The following DRC1 variants were observed in gnomAD, a reference collection of about 807,000 sequenced individuals.
DRC1 encodes dynein regulatory complex subunit 1, also known as dynein regulatory complex protein 1.
DRC1 carries 74 observed loss-of-function variants against 98.7 expected under a neutral mutation model. The observed-to-expected ratio is 0.75, with a 90% CI of 0.62 to 0.91. DRC1 has a LOEUF of 0.91. Ranked by LOEUF, DRC1 falls within the 40% of genes least tolerant of loss-of-function variation. The pLI, the probability that DRC1 is intolerant of heterozygous loss-of-function variation, is 0.00. For missense variants in DRC1, 875 were observed against 886.0 expected, an observed-to-expected ratio of 0.99 and a Z score of 0.16; for synonymous variants, 336 against 334.1, an observed-to-expected ratio of 1.01 and a Z score of -0.06.
chr2:26,435,255 A>G (rs1663540524), intron 7 of DRC1, among the ~76,000 whole-genome samples: 1 of 152,230 alleles, frequency 6.6e-6, no homozygotes, highest in African/African-American at 2.4e-5. Flanking sequence ...CCTTTACCGT[A>G]GAAGGACTTT....
At chr2:26,424,989 A>G (rs2147987818) in intron 4 of DRC1, among the ~76,000 whole-genome samples, 1 of 152,326 alleles carries the variant, frequency 6.6e-6, no homozygotes, top group East Asian at 1.9e-4. Flanking sequence ...TAGTTCAGTC[A>G]TGTTAAGTAT....
chr2:26,446,913 G>A (rs1404479713), intron 10 of DRC1, among the ~76,000 whole-genome samples: 2 of 151,862 alleles, frequency 1.3e-5, no homozygotes, highest in Admixed American at 6.6e-5. Context: ...CCAACATGGC[G>A]AAAACCTGTC....
intron 8 of DRC1, among the ~76,000 whole-genome samples, chr2:26,441,878 C>T (rs1663728320): frequency 6.6e-6 from 1 of 152,326 alleles, no homozygotes; most frequent in Middle Eastern, 3.4e-3. Flanking sequence ...ACCATCTTTT[C>T]GTCTCTTGCT....
At chr2:26,447,269 C>T (rs560339913) in intron 10 of DRC1, among the ~76,000 whole-genome samples, 14 of 149,950 alleles carry the variant, frequency 9.3e-5, no homozygotes, top group African/African-American at 2.7e-4. Context: ...AAAAATTAGC[C>T]GGGCATGGTG....
At chr2:26,416,025 G>C (rs1678791296) in intron 2 of DRC1, among the ~76,000 whole-genome samples, 1 of 151,514 alleles carries the variant, frequency 6.6e-6, no homozygotes, top group Non-Finnish European at 1.5e-5. Context: ...CTGATATACA[G>C]TTCACCCCGA....
chr2:26,455,054 AACCACCAAG>A, intron 15 of DRC1, 68 bp from the exon 16 acceptor site: 1 of 1,539,186 alleles, frequency 6.5e-7, no homozygotes, highest in South Asian at 1.1e-5. Context: ...GCCAAAGTAC[AACCACCAAG>A]ACCCTGGCCC....
intron 3 of DRC1, among the ~76,000 whole-genome samples, chr2:26,423,924 C>T (rs1026094670): frequency 2.6e-4 from 40 of 152,200 alleles, no homozygotes; most frequent in African/African-American, 9.4e-4. Context: ...CTCTGTGACT[C>T]CAGAGACCCA....
At chr2:26,418,829 A>G (rs1365522868) in intron 2 of DRC1, among the ~76,000 whole-genome samples, 1 of 136,462 alleles carries the variant, frequency 7.3e-6, no homozygotes, top group Non-Finnish European at 1.5e-5. Context: ...TATATATAAT[A>G]TATAGTATAT....
intron 1 of DRC1, among the ~76,000 whole-genome samples, chr2:26,406,311 C>T (rs961520281): frequency 7.2e-5 from 11 of 152,198 alleles, no homozygotes; most frequent in African/African-American, 2.7e-4. Flanking sequence ...ATAGGCAGTG[C>T]ACCCACCCCT....
intron 1 of DRC1, among the ~76,000 whole-genome samples, chr2:26,405,515 A>C (rs1287370220): frequency 6.6e-6 from 1 of 152,108 alleles, no homozygotes; most frequent in Non-Finnish European, 1.5e-5. Context: ...TAGATGTGGC[A>C]CCTGAAGGTA....
At chr2:26,428,971 C>T (rs571685056) in intron 4 of DRC1, among the ~76,000 whole-genome samples, 2 of 152,172 alleles carry the variant, frequency 1.3e-5, no homozygotes, top group Non-Finnish European at 2.9e-5. Flanking sequence ...GATATGTTCT[C>T]GTGTTGGAAC....
chr2:26,418,599 TATAATATATAAATTATATATA>T, intron 2 of DRC1, among the ~76,000 whole-genome samples: 1 of 97,276 alleles, frequency 1.0e-5, no homozygotes, highest in African/African-American at 5.3e-5. Context: ...ATATAATTTA[TATAATATATAAATTATATATA>T]ATATAAATTA....
At chr2:26,405,029 A>G (rs10170985) in intron 1 of DRC1, among the ~76,000 whole-genome samples, 144,904 of 152,290 alleles carry the variant, frequency 0.95, 69,000 homozygotes, top group South Asian at 0.98. Flanking sequence ...AATCATTACA[A>G]TATATATTTG....
intron 10 of DRC1, among the ~76,000 whole-genome samples, chr2:26,448,061 C>T (rs1004538011): frequency 2.7e-5 from 4 of 150,926 alleles, no homozygotes; most frequent in East Asian, 2.0e-4. Context: ...CCCATCTCTA[C>T]GAAAAACACA....
intron 10 of DRC1, among the ~76,000 whole-genome samples, chr2:26,448,013 T>G (rs1202675784): frequency 6.6e-6 from 1 of 150,872 alleles, no homozygotes; most frequent in Non-Finnish European, 1.5e-5. Flanking sequence ...TCACTTGAGT[T>G]CAGGAGTTCG....
chr2:26,439,922 A>AATATATATATATAT lies in DRC1; in HGVS notation c.889-454_889-441dup, dbSNP rs60317791. Among the ~76,000 whole-genome samples, 153 of 43,444 alleles carry AATATATATATATAT rather than the reference A, an allele frequency of 3.5e-3. 15 individuals carry two copies. The highest frequency in any genetic ancestry group is 5.4e-3 in the African/African-American group (71 of 13,112). 28.5% of individuals were successfully genotyped at this position (43,444 alleles called of 152,430 possible). On this transcript the variant is annotated intron_variant, in intron 7 of 16. Coordinates refer to ENST00000288710, the MANE Select transcript of DRC1 (RefSeq NM_145038.5). ...ACAAGCTAGGGCCAACTAGTGTGTGAATATATATATATATACACACACACA... is the reference window on the plus strand; with the variant it reads ...ACAAGCTAGGGCCAACTAGTGTGTGAATATATATATATATATATATATATATATACACACACACA...
At chr2:26,441,086 G>T (rs1663706374) in intron 8 of DRC1, among the ~76,000 whole-genome samples, 1 of 152,158 alleles carries the variant, frequency 6.6e-6, no homozygotes, top group African/African-American at 2.4e-5. Flanking sequence ...GGTACCTATT[G>T]CTTGAAATTT....
intron 1 of DRC1, among the ~76,000 whole-genome samples, chr2:26,402,814 A>G (rs1208391671): frequency 6.6e-6 from 1 of 152,190 alleles, no homozygotes; most frequent in Non-Finnish European, 1.5e-5. Context: ...ATGTCTTACC[A>G]AGCCCTGCAG....
At chr2:26,416,886 A>G (rs1220309771) in intron 2 of DRC1, among the ~76,000 whole-genome samples, 1 of 152,262 alleles carries the variant, frequency 6.6e-6, no homozygotes, top group Non-Finnish European at 1.5e-5. Context: ...TACAAGAAGC[A>G]TAGTGACTTC....
Sources: allele counts gnomAD v4.1 joint callset (sites outside exome capture counted in the v4.1 genomes callset), GRCh38; gene constraint gnomAD v4.1.1; transcripts MANE v1.5; gene names NCBI Gene and HGNC (gene_info 2026-07-23, HGNC 2026-07-21).